The following PCM1 variants were observed in gnomAD, a reference collection of about 807,000 sequenced individuals.
PCM1 encodes pericentriolar material 1, also known as pericentriolar material 1 protein.
PCM1 carries 157 observed loss-of-function variants against 241.9 expected under a neutral mutation model. That is an observed-to-expected ratio of 0.65 (90% CI 0.57 to 0.74). The LOEUF is 0.74. PCM1 is among the 30% of genes least tolerant of loss of function. The probability of loss-of-function intolerance (pLI) is 0.00; values close to 1 mark genes in which losing one functional copy is unlikely to be tolerated. For synonymous variants in PCM1, 1,085 were observed against 784.9 expected (o/e 1.38, Z -6.39); for missense variants, 3,478 against 2,360.1 (o/e 1.47, Z -9.81).
intron 15 of PCM1, among the ~76,000 whole-genome samples, chr8:17,961,109 G>A (rs547920621): frequency 5.3e-5 from 8 of 152,116 alleles, no homozygotes; most frequent in East Asian, 3.9e-4. Context: ...GCCACCATAA[G>A]ATATCTAAGG....
At chr8:18,022,101 C>T (rs1453214599) in intron 36 of PCM1, among the ~76,000 whole-genome samples, 1 of 152,098 alleles carries the variant, frequency 6.6e-6, no homozygotes, top group African/African-American at 2.4e-5. Context: ...ACTCACAATG[C>T]AGCAAAACTT....
At chr8:17,982,710 G>T (rs372970851) in intron 24 of PCM1, 1 of 152,242 alleles carries the variant, frequency 6.6e-6, no homozygotes, top group African/African-American at 2.4e-5. Flanking sequence ...TAGCCAGGAT[G>T]GTCTCAATCT....
At chr8:17,930,962 G>C (rs944398517) in intron 2 of PCM1, among the ~76,000 whole-genome samples, 1 of 151,914 alleles carries the variant, frequency 6.6e-6, no homozygotes, top group East Asian at 1.9e-4. Flanking sequence ...GCATACTAAT[G>C]CTGTGCCTTT....
chr8:17,952,951 G>T lies in PCM1; in HGVS notation c.1072-19G>T. ...GCGTTAGTCTTAATTCTTCTTTTTT[G>T]TTGTTTTTTTTTAATAAGCCTCCAG... On this transcript the variant is annotated intron_variant, in intron 8 of 38. Coordinates refer to ENST00000325083, the MANE Select transcript of PCM1 (RefSeq NM_006197.4). 6.9e-7 allele frequency: 1 copy of T among 1,456,224 alleles called. No individual in the cohort carries two copies. The highest frequency in any genetic ancestry group is 1.3e-5 in the South Asian group (1 of 75,516). 90.2% of individuals were successfully genotyped at this position (1,456,224 alleles called of 1,614,324 possible). A position where few individuals can be genotyped will look rare whatever the true frequency, so the allele number is the denominator to read the frequency against.
chr8:17,991,898 T>G (rs546645249), intron 28 of PCM1, among the ~76,000 whole-genome samples, 198 bp downstream of exon 28: 20 of 152,266 alleles, frequency 1.3e-4, no homozygotes, highest in African/African-American at 4.8e-4. Flanking sequence ...TGTATCCTGC[T>G]TATGTCTTTG....
At position 17,963,270 on chromosome 8, in the gene PCM1, C is replaced by G; in HGVS notation, c.2633C>G (p.Pro878Arg). Residue 878 changes from proline to arginine, a missense_variant, in exon 17 of 39, where the codon CCT becomes CGT. By Grantham distance (103) the Pro-to-Arg change is moderately radical. Coordinates refer to ENST00000325083, the MANE Select transcript of PCM1 (RefSeq NM_006197.4). Reference sequence around the variant, plus strand: ...GATGGATCTGAGAACCTATGTACTCCTCAGCAAAGTAGAACAGAAAAGTAA... The same window carrying G: ...GATGGATCTGAGAACCTATGTACTCGTCAGCAAAGTAGAACAGAAAAGTAA... The part of the protein sequence containing the change: ...RSDGSENLCT[P>R]QQSRTEKTMA... 6.3e-7 allele frequency: 1 copy of G among 1,592,536 alleles called. No homozygotes were observed. Among genetic ancestry groups the G allele is most frequent in the Non-Finnish European group, 8.5e-7 (1 of 1,174,318 alleles).
chr8:17,967,305 C>CT (rs71304948), intron 21 of PCM1, 135 bp downstream of exon 21: 75,063 of 493,858 alleles, frequency 0.15, 1,829 homozygotes, highest in African/African-American at 0.3. Flanking sequence ...GTTACAAACT[C>CT]TTTTTTTTTT....
chr8:17,955,623 A>G lies in PCM1; in HGVS notation c.1442A>G (p.Glu481Gly), dbSNP rs2067963138. The G allele has an allele frequency of 1.9e-6, 3 of 1,613,582 alleles. No homozygotes were observed. The highest frequency in any genetic ancestry group is 1.7e-4 in the Middle Eastern group (1 of 6,054). ...GTATCTCAGAATGAGAGTGAAAACG[A>G]AGGCCACCTCAATCCATCTGAAAAA... The part of the protein sequence containing the change: ...SLVSQNESEN[E>G]GHLNPSEKLQ... Residue 481 changes from glutamate to glycine, a missense_variant, in exon 10 of 39, where the codon GAA becomes GGA. Physicochemically the swap from Glu to Gly is moderately conservative, Grantham distance 98. Transcript: ENST00000325083.
chr8:18,005,843 T>C lies in PCM1; in HGVS notation c.4828-420T>C, dbSNP rs575135680. ...GCACAGGATGTCAATAATGTGAAGG[T>C]TGAGAAACCCTGAGTTAGAAAATAA... On this transcript the variant is annotated intron_variant, in intron 29 of 38. Coordinates refer to ENST00000325083, the MANE Select transcript of PCM1 (RefSeq NM_006197.4). 4.6e-5 allele frequency among the ~76,000 whole-genome samples: 7 copies of C among 152,258 alleles called. No individual in the cohort carries two copies. The South Asian group carries it at 8.3e-4, about 18-fold the overall frequency.
chr8:18,011,529 A>T (rs1205443336), intron 33 of PCM1, 138 bp from the exon 34 acceptor site: 3 of 1,078,302 alleles, frequency 2.8e-6, no homozygotes, highest in Non-Finnish European at 3.9e-6. Flanking sequence ...TCTGCACTGT[A>T]AGTTTTTAAT....
intron 6 of PCM1, among the ~76,000 whole-genome samples, chr8:17,942,781 G>T (rs1408723795): frequency 6.6e-6 from 1 of 152,120 alleles, no homozygotes; most frequent in Non-Finnish European, 1.5e-5. Context: ...GGATCACGAG[G>T]TCAGGAGATC....
rs750977185 is a variant in PCM1, at chr8:17,966,081, C to T, written c.2938C>T (p.Arg980Trp). The T allele has an allele frequency of 5.0e-6, 8 of 1,613,854 alleles. No homozygotes were observed. Among genetic ancestry groups the T allele is most frequent in the Non-Finnish European group, 6.8e-6 (8 of 1,179,804 alleles). The change falls in exon 19 of 39, where the codon CGG (arginine) becomes TGG (tryptophan). Residue 980 changes from arginine to tryptophan, a missense_variant. Transcript: ENST00000325083. The stretch of plus-strand genomic sequence containing the variant: ...AAGGCAACAGAATATCAGCATGCAA[C>T]GGCAAGAAAACCTTCGTTGGGTGTC... ...KTRQQNISMQ[R>W]QENLRWVSEL... is the part of the protein sequence containing the mutation.
intron 2 of PCM1, among the ~76,000 whole-genome samples, chr8:17,928,529 G>A (rs1465371246): frequency 6.8e-6 from 1 of 147,758 alleles, no homozygotes; most frequent in Non-Finnish European, 1.5e-5. Flanking sequence ...TTTGTCTTTT[G>A]CTCTAGACCC....
chr8:17,960,223 G>A (rs2071028793), intron 14 of PCM1, 58 bp downstream of exon 14: 1 of 1,554,904 alleles, frequency 6.4e-7, no homozygotes, highest in Admixed American at 2.0e-5. Flanking sequence ...CTGTTTTGGA[G>A]AAGGTGCTCA....
At position 17,953,147 on chromosome 8, in the gene PCM1, C is replaced by T. The variant is rs1007755838; in HGVS notation, c.1249C>T (p.Leu417Phe). ...KQKMDKLLGE[L>F]HTLRDQHLNN... Reference sequence around the variant, plus strand: ...AAAAATGGACAAATTGCTTGGAGAACTTCATACACTTCGAGATCAGCATCT... The same window carrying T: ...AAAAATGGACAAATTGCTTGGAGAATTTCATACACTTCGAGATCAGCATCT... Residue 417 changes from leucine (L) to phenylalanine (F), a missense_variant, in exon 9 of 39, where the codon CTT (leucine) becomes TTT (phenylalanine). Leu to Phe is a conservative substitution (Grantham distance 22). Coordinates refer to ENST00000325083, the MANE Select transcript of PCM1 (RefSeq NM_006197.4). 6.3e-7 allele frequency: 1 copy of T among 1,582,432 alleles called. No homozygotes were observed. Among genetic ancestry groups the T allele is most frequent in the East Asian group, 2.3e-5 (1 of 43,944 alleles).
rs1564449262 is a variant in PCM1, at chr8:18,021,980, A to G, written c.5842-3381A>G. Among the ~76,000 whole-genome samples the G allele has an allele frequency of 3.3e-5, 5 of 152,200 alleles. No individual in the cohort carries two copies. The South Asian group carries it at 6.2e-4, about 19-fold the overall frequency. On this transcript the variant is annotated intron_variant, in intron 36 of 38. Coordinates refer to ENST00000325083, the MANE Select transcript of PCM1 (RefSeq NM_006197.4). ...GTGAACTGCCTACCAGTGATGATCTATGACTGGCTTCCATAACTTAGAACG... is the reference window on the plus strand; with the variant it reads ...GTGAACTGCCTACCAGTGATGATCTGTGACTGGCTTCCATAACTTAGAACG...
intron 36 of PCM1, among the ~76,000 whole-genome samples, chr8:18,023,848 G>A (rs551486544): frequency 1.3e-5 from 2 of 152,260 alleles, no homozygotes; most frequent in Non-Finnish European, 2.9e-5. Flanking sequence ...CTTGATGGAG[G>A]GTGCATGACT....
intron 10 of PCM1, 49 bp from the exon 11 acceptor site, chr8:17,956,555 T>G: frequency 8.7e-7 from 1 of 1,154,498 alleles, no homozygotes. Context: ...GTCTGTATTA[T>G]TTTGCTAAAA....
chr8:17,934,141 C>G (rs1459258901), intron 2 of PCM1, among the ~76,000 whole-genome samples: 2 of 152,038 alleles, frequency 1.3e-5, no homozygotes, highest in Non-Finnish European at 2.9e-5. Context: ...ATCTGTGGGA[C>G]AAATTCTACT....
Sources: allele counts gnomAD v4.1 joint callset (sites outside exome capture counted in the v4.1 genomes callset), GRCh38; gene constraint gnomAD v4.1.1; transcripts MANE v1.5; gene names NCBI Gene and HGNC (gene_info 2026-07-23, HGNC 2026-07-21).